Variants in PCDH19 observed in about 807,000 individuals in gnomAD.
PCDH19 encodes the protein protocadherin 19.
A neutral mutation model predicts 46.2 loss-of-function variants in PCDH19; 6 were observed. The observed-to-expected ratio is 0.13, with a 90% CI of 0.07 to 0.26. The LOEUF is 0.26. Among genes scored for constraint, PCDH19 ranks in the 10% least tolerant of loss-of-function variants. PCDH19 has a pLI of 1.00. For missense variants in PCDH19, 740 were observed against 972.3 expected (o/e 0.76, Z 3.18); for synonymous variants, 481 against 415.7 (o/e 1.16, Z -1.91).
Position 100,296,612 on chromosome X carries a change from T to A in PCDH19, c.3112A>T (p.Thr1038Ser). 2 of 1,211,457 alleles carry A rather than the reference T, an allele frequency of 1.7e-6. No homozygotes were observed. The highest frequency in any genetic ancestry group is 2.2e-6 in the Non-Finnish European group (2 of 895,418). ...GGGCTGCAGATGGTCACATCGACAG[T>A]CCTCTTGCCTTTCAGGGTAGGCCTC... is the stretch of plus-strand genomic sequence containing the variant. ...EERPTLKGKR[T>S]VDVTICSPKV... Residue 1038 changes from threonine (T) to serine (S), a missense_variant, in exon 6 of 6, where the codon ACT (threonine) becomes TCT (serine). Transcript: ENST00000373034.
At chrX:100,368,852 T>G (rs1209924860) in intron 3 of PCDH19, among the ~76,000 whole-genome samples, 1 of 111,846 alleles carries the variant, frequency 8.9e-6, no homozygotes, top group Non-Finnish European at 1.9e-5. Context: ...ACACATTGTG[T>G]TGCTGTGCAA....
At chrX:100,340,609 G>C (rs1926226528) in intron 5 of PCDH19, among the ~76,000 whole-genome samples, 1 of 111,428 alleles carries the variant, frequency 9.0e-6, no homozygotes, top group Admixed American at 9.6e-5. Context: ...TATCTCTGCA[G>C]ATGTCACCAC....
intron 5 of PCDH19, among the ~76,000 whole-genome samples, chrX:100,333,197 G>GAAAGAA (rs1265511809): frequency 2.9e-5 from 2 of 69,749 alleles, no homozygotes; most frequent in Non-Finnish European, 5.9e-5. Context: ...AAGAAAGAAA[G>GAAAGAA]AAAGAAAGAA....
At chrX:100,318,324 G>T (rs73551506) in intron 5 of PCDH19, among the ~76,000 whole-genome samples, 1,612 of 112,435 alleles carry the variant, frequency 0.014, 36 homozygotes, top group African/African-American at 0.05. Context: ...AAGAGGAAAT[G>T]CATGGAAGCT....
At chrX:100,341,639 T>C (rs1383005129) in intron 5 of PCDH19, among the ~76,000 whole-genome samples, 1 of 111,767 alleles carries the variant, frequency 8.9e-6, no homozygotes, top group Non-Finnish European at 1.9e-5. Context: ...TGCAGTTTTA[T>C]TGAAGAAAAT....
intron 5 of PCDH19, among the ~76,000 whole-genome samples, chrX:100,324,631 TAAAG>T (rs1925622111): frequency 8.9e-6 from 1 of 112,323 alleles, no homozygotes; most frequent in Non-Finnish European, 1.9e-5. Flanking sequence ...ACATGGATAT[TAAAG>T]AACGCCAAGT....
chrX:100,371,795 C>A (rs1927230404), intron 3 of PCDH19, among the ~76,000 whole-genome samples: 1 of 109,472 alleles, frequency 9.1e-6, no homozygotes, highest in Non-Finnish European at 1.9e-5. Flanking sequence ...CAGCTCCTGG[C>A]ACAAAGTGTT....
intron 4 of PCDH19, 30 bp downstream of exon 4, chrX:100,350,616 T>C (rs767887196): frequency 1.2e-5 from 13 of 1,054,795 alleles, no homozygotes; most frequent in African/African-American, 9.2e-5. Context: ...TCAAGCTTAG[T>C]TGCAGCAATA....
chrX:100,404,485 T>C (rs1267295537), intron 1 of PCDH19, among the ~76,000 whole-genome samples: 1 of 112,605 alleles, frequency 8.9e-6, no homozygotes, highest in Non-Finnish European at 1.9e-5. Flanking sequence ...GCATTCATTG[T>C]GCAGCCCTTT....
At chrX:100,402,983 C>T (rs1302300427) in intron 2 of PCDH19, 132 bp from the exon 3 acceptor site, 12 of 529,508 alleles carry the variant, frequency 2.3e-5, no homozygotes, top group Non-Finnish European at 3.3e-5. Context: ...ATTACATCAT[C>T]GGGTTTCTCC....
chrX:100,322,854 TATATA>T (rs1442883085), intron 5 of PCDH19, among the ~76,000 whole-genome samples: 13 of 58,747 alleles, frequency 2.2e-4, no homozygotes, highest in African/African-American at 9.4e-4. Context: ...TATATATATA[TATATA>T]TATATATTTT....
chrX:100,372,628 G>A (rs887038520), intron 3 of PCDH19, among the ~76,000 whole-genome samples: 19 of 112,549 alleles, frequency 1.7e-4, no homozygotes, highest in Non-Finnish European at 1.9e-4. Context: ...CTCAATTGCT[G>A]AACAGGCATT....
chrX:100,406,783 G>A lies in PCDH19; in HGVS notation c.1815C>T (p.Tyr605=), dbSNP rs1057521256. 8.3e-7 allele frequency: 1 copy of A among 1,211,879 alleles called. No individual in the cohort carries two copies. The highest frequency in any genetic ancestry group is 1.1e-6 in the Non-Finnish European group (1 of 895,541). ...AGCCGCGGTCGCCCTCGGTCATGTCGTAGGTGACTCGGCCATTTTCGCCCT... is the reference window on the plus strand; with the variant it reads ...AGCCGCGGTCGCCCTCGGTCATGTCATAGGTGACTCGGCCATTTTCGCCCT... ...YDEGENGRVT[Y]DMTEGDRGFF... is the part of the protein sequence containing the mutation. The change falls in exon 1 of 6, where the codon TAC becomes TAT. Residue 605 remains tyrosine (Y), a synonymous_variant. Coordinates refer to ENST00000373034, the MANE Select transcript of PCDH19 (RefSeq NM_001184880.2).
intron 3 of PCDH19, among the ~76,000 whole-genome samples, chrX:100,378,064 A>G (rs1367959652): frequency 8.9e-6 from 1 of 112,753 alleles, no homozygotes; most frequent in African/African-American, 3.2e-5. Context: ...GACCCTGACT[A>G]TACAAACACT....
intron 5 of PCDH19, among the ~76,000 whole-genome samples, chrX:100,308,639 G>T (rs973709043): frequency 1.8e-5 from 2 of 110,696 alleles, no homozygotes; most frequent in Admixed American, 9.6e-5. Context: ...TTTGACAAAG[G>T]ACTAATATCC....
chrX:100,322,833 G>GTA (rs60720039), intron 5 of PCDH19, among the ~76,000 whole-genome samples: 1,179 of 48,744 alleles, frequency 0.024, 64 homozygotes, highest in African/African-American at 0.11. Context: ...ATATTCCTAA[G>GTA]TATATATATA....
At chrX:100,322,865 A>ATATATATATATATTTTT in intron 5 of PCDH19, among the ~76,000 whole-genome samples, 2 of 54,418 alleles carry the variant, frequency 3.7e-5, no homozygotes, top group Non-Finnish European at 6.6e-5. Flanking sequence ...ATATATATAT[A>ATATATATATATATTTTT]TTTTTGCAGC....
intron 5 of PCDH19, among the ~76,000 whole-genome samples, chrX:100,309,167 C>CAT (rs199905595): frequency 4.6e-5 from 5 of 109,645 alleles, no homozygotes; most frequent in East Asian, 2.9e-4. Flanking sequence ...CACACACACA[C>CAT]ACACACACAC....
At chrX:100,311,298 T>C (rs1040199754) in intron 5 of PCDH19, among the ~76,000 whole-genome samples, 1 of 111,510 alleles carries the variant, frequency 9.0e-6, no homozygotes, top group Non-Finnish European at 1.9e-5. Flanking sequence ...GGAGAATACA[T>C]AGTGAAGATG....
Sources: gnomAD v4.1 joint callset for allele counts (sites outside exome capture counted in the v4.1 genomes callset) on GRCh38, gnomAD v4.1.1 for gene constraint, MANE v1.5 for transcripts, NCBI Gene and HGNC (gene_info 2026-07-23, HGNC 2026-07-21) for gene names.